ATP6V0A1: variants seen among roughly 807,000 people sequenced by gnomAD.
ATP6V0A1 encodes V-type proton ATPase 116 kDa subunit a 1.
A neutral mutation model predicts 105.4 loss-of-function variants in ATP6V0A1; 43 were observed. The observed-to-expected ratio is 0.41, with a 90% CI of 0.32 to 0.53. The LOEUF (loss-of-function observed/expected upper bound fraction) is 0.53. Ranked by LOEUF, ATP6V0A1 falls within the 20% of genes least tolerant of loss-of-function variation. The pLI is 0.30. For missense variants in ATP6V0A1, 676 were observed against 1,051.1 expected (o/e 0.64, Z 4.93); for synonymous variants, 362 against 372.8 (o/e 0.97, Z 0.33).
At chr17:42,494,251 T>A in intron 11 of ATP6V0A1, 83 bp from the exon 12 acceptor site, 12 of 1,176,280 alleles carry the variant, frequency 1.0e-5, no homozygotes, top group South Asian at 6.0e-5. Context: ...AAAAGGGGGG[T>A]GGGTATGGAA....
chr17:42,482,098 C>A (rs2089587859), intron 8 of ATP6V0A1, among the ~76,000 whole-genome samples: 1 of 152,108 alleles, frequency 6.6e-6, no homozygotes, highest in Non-Finnish European at 1.5e-5. Flanking sequence ...CGCCTCAGCT[C>A]TCAAAGTACT....
At position 42,466,148 on chromosome 17, in the gene ATP6V0A1, C is replaced by T. The variant is rs540459340; in HGVS notation, c.118-281C>T. On this transcript the variant is annotated intron_variant, in intron 2 of 21. Coordinates refer to ENST00000343619, the MANE Select transcript of ATP6V0A1 (RefSeq NM_001130021.3). ...CAAATTTTAGGTGGTGGGAAGGAAG[C>T]TCACTGAGACTTTTGCCTAGGAAGA... is the stretch of plus-strand genomic sequence containing the variant. 2.0e-5 allele frequency among the ~76,000 whole-genome samples: 3 copies of T among 152,278 alleles called. No individual in the cohort carries two copies. In the East Asian group the frequency reaches 5.8e-4, roughly 29 times the overall value.
chr17:42,493,893 T>C (rs2146020135), intron 11 of ATP6V0A1, among the ~76,000 whole-genome samples: 1 of 152,308 alleles, frequency 6.6e-6, no homozygotes, highest in South Asian at 2.1e-4. Flanking sequence ...TGAAAGATTT[T>C]CTCTGAGAGT....
intron 17 of ATP6V0A1, among the ~76,000 whole-genome samples, chr17:42,503,307 A>G (rs1021993857): frequency 6.6e-6 from 1 of 152,204 alleles, no homozygotes; most frequent in Non-Finnish European, 1.5e-5. Context: ...ATGCTTGGAC[A>G]TTTGATCTTT....
At chr17:42,494,583 G>A in intron 12 of ATP6V0A1, 110 bp downstream of exon 12, 1 of 1,335,916 alleles carries the variant, frequency 7.5e-7, no homozygotes, top group Non-Finnish European at 1.0e-6. Flanking sequence ...TCAAAAGGAA[G>A]TAGAGAAGTT....
Position 42,487,295 on chromosome 17 carries a change from A to G in ATP6V0A1, c.951A>G (p.Lys317=), listed in dbSNP as rs1290870375. The G allele has an allele frequency of 1.9e-6, 3 of 1,614,176 alleles. No individual in the cohort carries two copies. Among genetic ancestry groups the G allele is most frequent in the South Asian group, 2.2e-5 (2 of 91,078 alleles). ...LNLCNIDVTQ[K]CLIAEVWCPV... ...TGTGCAACATAGATGTGACTCAGAAATGCTTGATTGCAGAGGTCTGGTGCC... is the reference window on the plus strand; with the variant it reads ...TGTGCAACATAGATGTGACTCAGAAGTGCTTGATTGCAGAGGTCTGGTGCC... The change falls in exon 10 of 22, where the codon AAA becomes AAG. Residue 317 remains lysine (K), a synonymous_variant. Transcript: ENST00000343619.
At chr17:42,459,817 A>G (rs1229838218) in intron 1 of ATP6V0A1, among the ~76,000 whole-genome samples, 1 of 152,208 alleles carries the variant, frequency 6.6e-6, no homozygotes, top group African/African-American at 2.4e-5. Context: ...TTGTTCGTTC[A>G]GATTTCTCAA....
At chr17:42,495,922 AT>A (rs2091116986) in intron 14 of ATP6V0A1, 4 of 466,148 alleles carry the variant, frequency 8.6e-6, no homozygotes, top group Non-Finnish European at 1.6e-5. Flanking sequence ...AAAATAAAAT[AT>A]TAGCCGGGCG....
rs2092788206 is a variant in ATP6V0A1, at chr17:42,520,328, TG to T, written c.2421-696del. 2.4e-5 allele frequency: 10 copies of T among 415,322 alleles called. No homozygotes were observed. In the Admixed American group the frequency reaches 2.7e-4, roughly 11 times the overall value. The allele number at this position is 415,322 out of a possible 1,614,324, so 25.7% of individuals were successfully genotyped here. A position where few individuals can be genotyped will look rare whatever the true frequency, so the allele number is the denominator to read the frequency against. On this transcript the variant is annotated intron_variant, in intron 21 of 21. Transcript: ENST00000343619. ...CAGCCAAGCAGCCTCGCTCTGCTTATGGGACAGTCTTCCTCCCACCCTCCCT... is the reference window on the plus strand; with the variant it reads ...CAGCCAAGCAGCCTCGCTCTGCTTATGGACAGTCTTCCTCCCACCCTCCCT...
At chr17:42,494,942 C>A in intron 12 of ATP6V0A1, 92 bp from the exon 13 acceptor site, 1 of 1,367,864 alleles carries the variant, frequency 7.3e-7, no homozygotes, top group Non-Finnish European at 1.0e-6. Flanking sequence ...TAAAGTAGTG[C>A]TGGAGAAAGG....
intron 17 of ATP6V0A1, among the ~76,000 whole-genome samples, chr17:42,503,773 G>GGTCATCCTTCTGGAACTAGTCTAA (rs962696174): frequency 2.6e-5 from 4 of 152,044 alleles, no homozygotes; most frequent in Admixed American, 6.6e-5. Flanking sequence ...AATTTCTTAT[G>GGTCATCCTTCTGGAACTAGTCTAA]GTCATCCTTC....
At chr17:42,463,086 ACCTCCGTCTCCTGGGTTCAAGCAAT>A (rs2086634019) in intron 2 of ATP6V0A1, among the ~76,000 whole-genome samples, 1 of 141,244 alleles carries the variant, frequency 7.1e-6, no homozygotes, top group Non-Finnish European at 1.5e-5. Flanking sequence ...GCTCACTGCA[ACCTCCGTCTCCTGGGTTCAAGCAAT>A]CCTCCCTCAG....
At chr17:42,507,302 G>A (rs2092089682) in intron 17 of ATP6V0A1, 2 of 492,018 alleles carry the variant, frequency 4.1e-6, no homozygotes, top group Non-Finnish European at 3.7e-6. Context: ...TCTGAAGCAG[G>A]GTAAGGTGGT....
At position 42,507,594 on chromosome 17, in the gene ATP6V0A1, C is replaced by T; in HGVS notation, c.2079C>T (p.Asp693=). The T allele has an allele frequency of 6.2e-7, 1 of 1,614,028 alleles. No individual in the cohort carries two copies. The highest frequency in any genetic ancestry group is 2.2e-5 in the East Asian group (1 of 44,864). Residue 693 remains aspartate (D), a synonymous_variant, in exon 18 of 22, where the codon GAC becomes GAT. Coordinates refer to ENST00000343619, the MANE Select transcript of ATP6V0A1 (RefSeq NM_001130021.3). ...AGGATGCTGAGATTATTCAGCATGA[C>T]CAGCTCTCCACCCACTCAGAGGACG... The part of the protein sequence containing the change: ...TEEDAEIIQH[D]QLSTHSEDAD...
Position 42,513,679 on chromosome 17 carries a change from C to T in ATP6V0A1, c.2131-182C>T, listed in dbSNP as rs903037540. 5 of 614,508 alleles carry T rather than the reference C, an allele frequency of 8.1e-6. No homozygotes were observed. The Admixed American group carries it at 1.2e-4, about 15-fold the overall frequency. The allele number at this position is 614,508 out of a possible 1,614,324, so 38.1% of individuals were successfully genotyped here. A position where few individuals can be genotyped will look rare whatever the true frequency, so the allele number is the denominator to read the frequency against. ...GCAGGATTTTTGGGGAAGGCATTGC[C>T]GAAATCACCACCTGAGCTCAACACT... On this transcript the variant is annotated intron_variant, in intron 19 of 21. Coordinates refer to ENST00000343619, the MANE Select transcript of ATP6V0A1 (RefSeq NM_001130021.3).
intron 9 of ATP6V0A1, among the ~76,000 whole-genome samples, chr17:42,485,384 G>C (rs1278581011): frequency 6.6e-6 from 1 of 152,118 alleles, no homozygotes; most frequent in African/African-American, 2.4e-5. Context: ...TAACTGACCA[G>C]AATTTGATTT....
chr17:42,513,012 C>T (rs1034123093), intron 19 of ATP6V0A1, among the ~76,000 whole-genome samples: 2 of 152,236 alleles, frequency 1.3e-5, no homozygotes, highest in Non-Finnish European at 2.9e-5. Flanking sequence ...CCCACATTCA[C>T]CCCTGACTGT....
At chr17:42,486,656 T>C (rs1161904802) in intron 9 of ATP6V0A1, among the ~76,000 whole-genome samples, 1 of 152,214 alleles carries the variant, frequency 6.6e-6, no homozygotes, top group Non-Finnish European at 1.5e-5. Context: ...CAGGTGCTCC[T>C]GATCCCATGG....
intron 21 of ATP6V0A1, among the ~76,000 whole-genome samples, chr17:42,515,703 G>T (rs924093614): frequency 6.6e-6 from 1 of 151,586 alleles, no homozygotes; most frequent in Non-Finnish European, 1.5e-5. Context: ...CAGGAGAATC[G>T]CTTGAACCCA....
Sources: gnomAD v4.1 joint callset for allele counts (sites outside exome capture counted in the v4.1 genomes callset) on GRCh38, gnomAD v4.1.1 for gene constraint, MANE v1.5 for transcripts, NCBI Gene and HGNC (gene_info 2026-07-23, HGNC 2026-07-21) for gene names.